Variants in RBM6 observed in about 807,000 individuals in gnomAD.
RBM6 encodes RNA binding motif protein 6.
A neutral mutation model predicts 140.4 loss-of-function variants in RBM6; 23 were observed. The ratio of observed to expected loss-of-function variants is 0.16; its 90% CI spans 0.12 to 0.23. The LOEUF is 0.23. Ranked by LOEUF, RBM6 falls within the 10% of genes least tolerant of loss-of-function variation. RBM6 has a pLI of 1.00. For missense variants in RBM6, 1,139 were observed against 1,386.7 expected, an observed-to-expected ratio of 0.82 and a Z score of 2.84; for synonymous variants, 439 against 475.6, an observed-to-expected ratio of 0.92 and a Z score of 1.00.
intron 6 of RBM6, among the ~76,000 whole-genome samples, chr3:50,008,085 G>T (rs1223871521): frequency 6.6e-6 from 1 of 152,132 alleles, no homozygotes; most frequent in African/African-American, 2.4e-5. Flanking sequence ...AACAGAATGA[G>T]ATGCTGTCTC....
intron 6 of RBM6, among the ~76,000 whole-genome samples, chr3:50,043,871 C>T (rs868435943): frequency 4.1e-5 from 6 of 146,898 alleles, no homozygotes; most frequent in South Asian, 2.3e-4. Context: ...CATGGGCCAC[C>T]GTGCCCAGCC....
intron 6 of RBM6, among the ~76,000 whole-genome samples, chr3:50,047,509 C>T (rs1413110035): frequency 6.6e-6 from 1 of 152,176 alleles, no homozygotes; most frequent in Non-Finnish European, 1.5e-5. Context: ...GCTTGTTGAG[C>T]CCCTTTTCCC....
intron 5 of RBM6, among the ~76,000 whole-genome samples, chr3:49,987,563 C>T (rs1326719535): frequency 6.6e-6 from 1 of 152,034 alleles, no homozygotes; most frequent in Non-Finnish European, 1.5e-5. Context: ...GTGATCCGCC[C>T]ACCTCGACCT....
chr3:49,979,438 GTTT>G (rs35205938), intron 5 of RBM6, among the ~76,000 whole-genome samples: 2 of 124,570 alleles, frequency 1.6e-5, no homozygotes, highest in African/African-American at 3.0e-5. Context: ...TGCTTACTTT[GTTT>G]TTTTTTTTTT....
chr3:50,040,440 C>A (rs2088816482), intron 6 of RBM6, among the ~76,000 whole-genome samples: 1 of 82,874 alleles, frequency 1.2e-5, no homozygotes. Context: ...AGCAAGGCTC[C>A]TTCTCAAAAA....
rs766545463 is a variant in RBM6 at position 50,075,182 on chromosome 3, G to C, written c.3117-19G>C. 7 of 1,598,950 alleles carry C rather than the reference G, an allele frequency of 4.4e-6. No homozygotes were observed. The South Asian group carries it at 4.6e-5, about 11-fold the overall frequency. On this transcript the variant is annotated intron_variant, in intron 19 of 20. Coordinates refer to ENST00000266022, the MANE Select transcript of RBM6 (RefSeq NM_005777.3). Reference sequence around the variant, plus strand: ...AAAAAAAAAAAAAAAGGAAGTGATGGTGTCTGCTTCTTTTGCAGTGATCGT... The same window carrying C: ...AAAAAAAAAAAAAAAGGAAGTGATGCTGTCTGCTTCTTTTGCAGTGATCGT...
At chr3:50,000,878 A>G (rs1377140418) in intron 6 of RBM6, among the ~76,000 whole-genome samples, 1 of 152,200 alleles carries the variant, frequency 6.6e-6, no homozygotes, top group Non-Finnish European at 1.5e-5. Flanking sequence ...TCTTATGGGT[A>G]TGGAGATGAC....
chr3:49,949,356 C>T (rs538510742), intron 1 of RBM6, among the ~76,000 whole-genome samples: 4 of 151,944 alleles, frequency 2.6e-5, no homozygotes, highest in African/African-American at 9.6e-5. Context: ...AGTACATTCT[C>T]CCAGAGAGGA....
chr3:50,057,127 T>C (rs1575831604), intron 8 of RBM6, among the ~76,000 whole-genome samples: 4 of 152,250 alleles, frequency 2.6e-5, no homozygotes, highest in Admixed American at 2.6e-4. Flanking sequence ...GGATTTGTTA[T>C]ATTTAAATGT....
intron 5 of RBM6, among the ~76,000 whole-genome samples, chr3:49,989,549 G>T (rs1050693277): frequency 3.3e-5 from 5 of 152,036 alleles, no homozygotes; most frequent in African/African-American, 1.2e-4. Context: ...CTAGCCTGGG[G>T]CCACAAGAGT....
At chr3:50,011,158 T>C (rs1299704573) in intron 6 of RBM6, among the ~76,000 whole-genome samples, 2 of 151,836 alleles carry the variant, frequency 1.3e-5, no homozygotes, top group Non-Finnish European at 2.9e-5. Flanking sequence ...GCCCAGGAAT[T>C]CGAGTGAGCC....
intron 8 of RBM6, among the ~76,000 whole-genome samples, chr3:50,056,185 A>AT (rs1197632275): frequency 6.6e-6 from 1 of 152,000 alleles, no homozygotes; most frequent in Admixed American, 6.5e-5. Context: ...AACAACTGAG[A>AT]TTTTTGCTTG....
rs113582808 is a variant in RBM6, at chr3:49,951,140, T to C, written c.-67+10915T>C. ...TATAATTTCACTTAGACACTTTGAG[T>C]AGTGAAAATCATAGAAACAGAAAAT... is the stretch of plus-strand genomic sequence containing the variant. On this transcript the variant is annotated intron_variant, in intron 1 of 20. Transcript: ENST00000266022. Among the ~76,000 whole-genome samples, 529 of 152,218 alleles carry C rather than the reference T, an allele frequency of 3.5e-3. 3 individuals carry two copies. The highest frequency in any genetic ancestry group is 0.012 in the African/African-American group (510 of 41,550).
chr3:49,979,438 G>GT (rs35205938), intron 5 of RBM6, among the ~76,000 whole-genome samples: 5,002 of 124,530 alleles, frequency 0.04, 324 homozygotes, highest in African/African-American at 0.12. Flanking sequence ...TGCTTACTTT[G>GT]TTTTTTTTTT....
chr3:49,943,521 G>A (rs998684605), intron 1 of RBM6, among the ~76,000 whole-genome samples: 1 of 151,944 alleles, frequency 6.6e-6, no homozygotes, highest in African/African-American at 2.4e-5. Context: ...GTTGTCTAGG[G>A]TGGTCTCGAA....
rs542734328 is a variant in RBM6, at chr3:50,021,740, C to CTTTTTTTTTTTTTTTTTTTTTTTT, written c.1557+22234_1557+22257dup. On this transcript the variant is annotated intron_variant, in intron 6 of 20. Transcript: ENST00000266022. Reference sequence around the variant, plus strand: ...ATCTCCATACTGAGGAATTTAAGTGCTTTTTTTTTTTTTTTTTTTTTTTTT... The same window carrying CTTTTTTTTTTTTTTTTTTTTTTTT: ...ATCTCCATACTGAGGAATTTAAGTGCTTTTTTTTTTTTTTTTTTTTTTTTTTTTTTTTTTTTTTTTTTTTTTTTT... Among the ~76,000 whole-genome samples, 4 of 42,752 alleles carry CTTTTTTTTTTTTTTTTTTTTTTTT rather than the reference C, an allele frequency of 9.4e-5. 1 individual carries two copies. Among genetic ancestry groups the CTTTTTTTTTTTTTTTTTTTTTTTT allele is most frequent in the African/African-American group, 2.7e-4 (3 of 11,304 alleles). The allele number at this position is 42,752 out of a possible 152,430, so 28.0% of individuals were successfully genotyped here. A position where few individuals can be genotyped will look rare whatever the true frequency, so the allele number is the denominator to read the frequency against.
intron 4 of RBM6, among the ~76,000 whole-genome samples, chr3:49,974,673 ATTTT>A (rs55872898): frequency 1.4e-5 from 1 of 72,450 alleles, no homozygotes. Context: ...TGCCCGGCCA[ATTTT>A]TTTTTTTTTT....
rs144581771 is a variant in RBM6 at position 49,977,806 on chromosome 3, G to A, written c.1483+2414G>A. On this transcript the variant is annotated intron_variant, in intron 5 of 20. Transcript: ENST00000266022. ...ACAATCAGATGTTCTAAGAACTATA[G>A]TGTTTACTGTTAAAAGATCATATGT... Among the ~76,000 whole-genome samples the A allele has an allele frequency of 4.3e-3, 662 of 152,300 alleles. 5 individuals carry two copies. The highest frequency in any genetic ancestry group is 0.01 in the Middle Eastern group (3 of 294).
Position 50,075,287 on chromosome 3 carries a change from C to T in RBM6, c.3203C>T (p.Thr1068Ile). ...CAGGCTACTGGCTGGAGGAAAGGGA[C>T]AGGCCTGGGATATGGCCATCCTGGA... is the stretch of plus-strand genomic sequence containing the variant. ...VQQATGWRKG[T>I]GLGYGHPGLA... The change falls in exon 20 of 21, where the codon ACA becomes ATA. Residue 1068 changes from threonine to isoleucine, a missense_variant. Physicochemically the swap from Thr to Ile is moderately conservative, Grantham distance 89 (BLOSUM62 -1). Transcript: ENST00000266022. The T allele has an allele frequency of 6.2e-7, 1 of 1,614,146 alleles. No homozygotes were observed. Among genetic ancestry groups the T allele is most frequent in the Non-Finnish European group, 8.5e-7 (1 of 1,180,016 alleles).
Sources: gnomAD v4.1 joint callset for allele counts (sites outside exome capture counted in the v4.1 genomes callset) on GRCh38, gnomAD v4.1.1 for gene constraint, MANE v1.5 for transcripts, NCBI Gene and HGNC (gene_info 2026-07-23, HGNC 2026-07-21) for gene names.